Variants in MCMBP observed in about 807,000 individuals in gnomAD.
MCMBP encodes the protein minichromosome maintenance complex binding protein.
In MCMBP, 31 loss-of-function variants were observed where a neutral mutation model predicts 81.3. The observed-to-expected ratio is 0.38, with a 90% CI of 0.29 to 0.51. The LOEUF is 0.51. Among genes scored for constraint, MCMBP ranks in the 20% least tolerant of loss-of-function variants. MCMBP has a pLI of 0.87. For synonymous variants in MCMBP, 267 were observed against 275.9 expected (o/e 0.97, Z 0.32); for missense variants, 645 against 772.1 (o/e 0.84, Z 1.95).
chr10:119,851,580 C>T (rs1203771094), intron 6 of MCMBP, among the ~76,000 whole-genome samples: 1 of 151,628 alleles, frequency 6.6e-6, no homozygotes, highest in Non-Finnish European at 1.5e-5. Flanking sequence ...TTACAGGCGC[C>T]TGCCACCATG....
intron 1 of MCMBP, among the ~76,000 whole-genome samples, chr10:119,864,437 A>G (rs1853376017): frequency 6.6e-6 from 1 of 151,388 alleles, no homozygotes; most frequent in Admixed American, 6.6e-5. Flanking sequence ...TATCCTTTTC[A>G]TGCCTGTACA....
At chr10:119,864,671 T>C (rs1050844738) in intron 1 of MCMBP, among the ~76,000 whole-genome samples, 1 of 152,126 alleles carries the variant, frequency 6.6e-6, no homozygotes, top group African/African-American at 2.4e-5. Context: ...TATTATTTCT[T>C]TCTTCTGTTT....
chr10:119,861,031 T>C lies in MCMBP; in HGVS notation c.59-1147A>G, dbSNP rs371649304. ...CTGGCCAAGACCAAAAAGTGAGCTA[T>C]TGACGGAATACAGATTTATGTGAAC... On this transcript the variant is annotated intron_variant, in intron 1 of 15. Coordinates refer to ENST00000369077, the MANE Select transcript of MCMBP (RefSeq NM_001256378.2). Among the ~76,000 whole-genome samples, 358 of 152,342 alleles carry C rather than the reference T, an allele frequency of 2.3e-3. 18 individuals carry two copies. In the South Asian group the frequency reaches 0.071, roughly 30 times the overall value.
At chr10:119,855,052 T>C (rs1483203985) in intron 5 of MCMBP, among the ~76,000 whole-genome samples, 4 of 152,008 alleles carry the variant, frequency 2.6e-5, no homozygotes, top group African/African-American at 9.7e-5. Flanking sequence ...TTCTTGCTTC[T>C]TAATTTATAT....
At chr10:119,841,692 TGATG>T (rs1180479240) in intron 10 of MCMBP, among the ~76,000 whole-genome samples, 1 of 152,246 alleles carries the variant, frequency 6.6e-6, no homozygotes, top group African/African-American at 2.4e-5. Context: ...AAATTACAGA[TGATG>T]TGCATTTTCC....
At chr10:119,862,520 A>T (rs539015690) in intron 1 of MCMBP, among the ~76,000 whole-genome samples, 2 of 152,216 alleles carry the variant, frequency 1.3e-5, no homozygotes, top group Non-Finnish European at 2.9e-5. Flanking sequence ...ACACATTTGT[A>T]TATCAATACT....
intron 6 of MCMBP, among the ~76,000 whole-genome samples, chr10:119,851,790 A>C (rs1322328023): frequency 6.6e-6 from 1 of 152,236 alleles, no homozygotes; most frequent in African/African-American, 2.4e-5. Flanking sequence ...TGGAAATATC[A>C]ATTTATAAAG....
At chr10:119,842,228 T>C (rs1056357096) in intron 10 of MCMBP, among the ~76,000 whole-genome samples, 5 of 152,148 alleles carry the variant, frequency 3.3e-5, no homozygotes, top group African/African-American at 1.2e-4. Flanking sequence ...GCCTAAAAGG[T>C]TGGGGACCAC....
intron 12 of MCMBP, among the ~76,000 whole-genome samples, chr10:119,837,735 G>T (rs767389547): frequency 9.2e-5 from 14 of 152,028 alleles, no homozygotes; most frequent in African/African-American, 3.4e-4. Context: ...AGTGAGCCAA[G>T]ATTGGCCACT....
chr10:119,840,874 A>C lies in MCMBP; in HGVS notation c.1211T>G (p.Leu404Trp). Residue 404 changes from leucine (L) to tryptophan (W), a missense_variant, in exon 11 of 16, where the codon TTG becomes TGG. Leu to Trp is a moderately conservative substitution (Grantham distance 61, BLOSUM62 -2). Coordinates refer to ENST00000369077, the MANE Select transcript of MCMBP (RefSeq NM_001256378.2). ...CPRNSTFTEH[L>W]YRIIQHLVPA... is the part of the protein sequence containing the mutation. ...AACAAGATGTTGAATAATTCGATACAAGTGTTCTGTGAAGGTACTATTCCG... is the reference window on the plus strand; with the variant it reads ...AACAAGATGTTGAATAATTCGATACCAGTGTTCTGTGAAGGTACTATTCCG... 1 of 1,606,380 alleles carries C rather than the reference A, an allele frequency of 6.2e-7. No individual in the cohort carries two copies. The highest frequency in any genetic ancestry group is 8.5e-7 in the Non-Finnish European group (1 of 1,177,148).
chr10:119,848,965 G>T (rs1409010667), intron 7 of MCMBP, among the ~76,000 whole-genome samples: 2 of 152,328 alleles, frequency 1.3e-5, no homozygotes, highest in East Asian at 3.9e-4. Flanking sequence ...CATGCAAAAG[G>T]AATGTGCAGG....
intron 1 of MCMBP, among the ~76,000 whole-genome samples, chr10:119,864,792 T>C (rs1317723078): frequency 6.6e-6 from 1 of 152,230 alleles, no homozygotes; most frequent in East Asian, 1.9e-4. Context: ...AGCATGTCTT[T>C]GGCTGTATCC....
At chr10:119,834,634 T>C (rs1001944928) in intron 14 of MCMBP, among the ~76,000 whole-genome samples, 4 of 151,366 alleles carry the variant, frequency 2.6e-5, no homozygotes, top group Non-Finnish European at 5.9e-5. Context: ...CTGGGCAACA[T>C]AAAGAGATCC....
intron 8 of MCMBP, among the ~76,000 whole-genome samples, chr10:119,846,691 C>T (rs2134362856): frequency 6.6e-6 from 1 of 152,228 alleles, no homozygotes; most frequent in East Asian, 1.9e-4. Flanking sequence ...ATATTCCTGC[C>T]AAAAATGCAA....
At chr10:119,858,571 T>C (rs1853134307) in intron 4 of MCMBP, among the ~76,000 whole-genome samples, 1 of 152,204 alleles carries the variant, frequency 6.6e-6, no homozygotes, top group Non-Finnish European at 1.5e-5. Flanking sequence ...GAGATTACCA[T>C]TGGCTTTGTC....
chr10:119,851,972 G>A (rs1852839785), intron 6 of MCMBP, among the ~76,000 whole-genome samples: 1 of 151,854 alleles, frequency 6.6e-6, no homozygotes, highest in South Asian at 2.1e-4. Flanking sequence ...GACCAACATG[G>A]AGAAACCCCG....
chr10:119,859,817 T>C lies in MCMBP; in HGVS notation c.126A>G (p.Glu42=). 3 of 1,613,176 alleles carry C rather than the reference T, an allele frequency of 1.9e-6. No homozygotes were observed. The highest frequency in any genetic ancestry group is 2.5e-6 in the Non-Finnish European group (3 of 1,179,408). The change falls in exon 2 of 16, where the codon GAA becomes GAG. Residue 42 remains glutamate (E), a synonymous_variant. Transcript: ENST00000369077. ...VIEYFKEKLK[E]NNAPKWVPSL... ...AGCTTACCCACTTAGGAGCATTATTTTCCTTCAGCTTTTCCTTAAAATACT... is the reference window on the plus strand; with the variant it reads ...AGCTTACCCACTTAGGAGCATTATTCTCCTTCAGCTTTTCCTTAAAATACT...
In MCMBP at chr10:119,847,640, A is replaced by C; in HGVS notation, c.800T>G (p.Val267Gly). The C allele has an allele frequency of 6.2e-7, 1 of 1,610,332 alleles. No individual in the cohort carries two copies. Among genetic ancestry groups the C allele is most frequent in the East Asian group, 2.2e-5 (1 of 44,770 alleles). ...TTCATCATTATTCAGTATACTCAGC[A>C]CAGGATCCACAGACAGTATGCCATA... The part of the protein sequence containing the change: ...ELYGILSVDP[V>G]LSILNNDERD... Residue 267 changes from valine to glycine, a missense_variant, in exon 8 of 16, where the codon GTG (valine) becomes GGG (glycine). Physicochemically the swap from Val to Gly is moderately radical, Grantham distance 109. Coordinates refer to ENST00000369077, the MANE Select transcript of MCMBP (RefSeq NM_001256378.2).
In MCMBP at chr10:119,831,304, A is replaced by C. The variant is rs1852025815; in HGVS notation, c.*170T>G. On this transcript the variant is annotated 3_prime_UTR_variant, in exon 16 of 16. Transcript: ENST00000369077. ...AGCTCCATGAAATCAGTAAGGTAAA[A>C]GTCCTTACTGAATATCATATAAACA... 3.6e-6 allele frequency: 2 copies of C among 553,658 alleles called. No homozygotes were observed. The highest frequency in any genetic ancestry group is 5.9e-6 in the Non-Finnish European group (2 of 339,528). The allele number at this position is 553,658 out of a possible 1,614,324, so 34.3% of individuals were successfully genotyped here. A position where few individuals can be genotyped will look rare whatever the true frequency, so the allele number is the denominator to read the frequency against.
Sources: allele counts gnomAD v4.1 joint callset (sites outside exome capture counted in the v4.1 genomes callset), GRCh38; gene constraint gnomAD v4.1.1; transcripts MANE v1.5; gene names NCBI Gene and HGNC (gene_info 2026-07-23, HGNC 2026-07-21).